PSMA6: variants seen among roughly 807,000 people sequenced by gnomAD.
PSMA6 encodes proteasome 20S subunit alpha 6, also known as proteasome subunit alpha type-6.
For synonymous variants in PSMA6, 88 were observed against 97.7 expected, an observed-to-expected ratio of 0.90 and a Z score of 0.59; for missense variants, 170 against 294.8, an observed-to-expected ratio of 0.58 and a Z score of 3.10.
intron 4 of PSMA6, chr14:35,312,620 A>G (rs1206240943): frequency 4.7e-6 from 2 of 423,816 alleles, no homozygotes; most frequent in Non-Finnish European, 8.2e-6. Flanking sequence ...GATTGGAAAC[A>G]CTATTTTTAA....
intron 1 of PSMA6, among the ~76,000 whole-genome samples, chr14:35,282,559 C>G (rs1247122260): frequency 6.6e-6 from 1 of 152,078 alleles, no homozygotes; most frequent in Non-Finnish European, 1.5e-5. Flanking sequence ...TGCACCTAAC[C>G]TAAACGTAAC....
Position 35,308,025 on chromosome 14 carries a change from C to A in PSMA6, c.108C>A (p.Gly36=). ...CTTTTAAGGCTATTAACCAGGGTGG[C>A]CTTACATCAGTAGCTGTCAGAGGGA... The part of the protein sequence containing the change: ...EYAFKAINQG[G]LTSVAVRGKD... Residue 36 remains glycine, a synonymous_variant, in exon 2 of 7, where the codon GGC becomes GGA. Transcript: ENST00000261479. 2 of 1,613,986 alleles carry A rather than the reference C, an allele frequency of 1.2e-6. No individual in the cohort carries two copies. Among genetic ancestry groups the A allele is most frequent in the Admixed American group, 1.7e-5 (1 of 60,018 alleles).
At chr14:35,314,589 C>G (rs923574318) in intron 6 of PSMA6, 134 bp downstream of exon 6, 3 of 1,184,416 alleles carry the variant, frequency 2.5e-6, no homozygotes, top group Non-Finnish European at 3.3e-6. Context: ...GTTTTTTTCC[C>G]CAGCACCTGA....
intron 6 of PSMA6, chr14:35,316,779 T>C (rs921411307): frequency 6.5e-6 from 1 of 154,920 alleles, no homozygotes; most frequent in African/African-American, 2.4e-5. Context: ...GGCAGAAGAA[T>C]CGTTTGAACC....
intron 2 of PSMA6, 110 bp downstream of exon 2, chr14:35,308,198 G>C: frequency 1.4e-6 from 2 of 1,383,686 alleles, no homozygotes; most frequent in Middle Eastern, 2.5e-4. Flanking sequence ...GAGGTGGGCA[G>C]ATCACCTTAG....
chr14:35,280,162 T>C (rs1286079945), intron 1 of PSMA6, among the ~76,000 whole-genome samples: 1 of 126,760 alleles, frequency 7.9e-6, no homozygotes, highest in Non-Finnish European at 1.7e-5. Flanking sequence ...TTTTTCGGCC[T>C]GGCGCAATGG....
chr14:35,285,357 A>AAC lies in PSMA6; in HGVS notation c.19+6640_19+6641insCA, dbSNP rs1555335400. On this transcript the variant is annotated intron_variant, in intron 1 of 6. Coordinates refer to the PSMA6 transcript ENST00000540871. ...TCTATCTCAAAAAAAACAAAAAACA[A>AAC]AAAAAAAAACCGTAGCACACTCTTG... Among the ~76,000 whole-genome samples the AAC allele has an allele frequency of 1.2e-4, 17 of 145,620 alleles. 1 individual carries two copies. Among genetic ancestry groups the AAC allele is most frequent in the Admixed American group, 4.9e-4 (7 of 14,318 alleles).
At chr14:35,308,811 T>C in intron 2 of PSMA6, 103 bp from the exon 3 acceptor site, 1 of 788,406 alleles carries the variant, frequency 1.3e-6, no homozygotes, top group Non-Finnish European at 2.1e-6. Flanking sequence ...ATAGTATTGT[T>C]TTCTCCAAGA....
At position 35,280,685 on chromosome 14, in the gene PSMA6, T is replaced by C. The variant is rs540714041; in HGVS notation, c.19+1967T>C. The stretch of plus-strand genomic sequence containing the variant: ...GCATGAGCCACCACACCCAGCCTGG[T>C]CTCATTGTTTCTTAACTCTGGTCTC... On this transcript the variant is annotated intron_variant, in intron 1 of 6. Transcript: ENST00000540871. Among the ~76,000 whole-genome samples the C allele has an allele frequency of 3.3e-5, 5 of 152,122 alleles. No homozygotes were observed. The South Asian group carries it at 1.0e-3, about 32-fold the overall frequency.
At chr14:35,317,216 A>C (rs1438250736) in intron 6 of PSMA6, 33 bp from the exon 7 acceptor site, 6 of 1,596,344 alleles carry the variant, frequency 3.8e-6, no homozygotes, top group African/African-American at 1.3e-5. Context: ...ATTTTTTTTA[A>C]ATCGTTGTTT....
intron 1 of PSMA6, among the ~76,000 whole-genome samples, chr14:35,280,178 G>C (rs1188557263): frequency 6.6e-6 from 1 of 151,166 alleles, no homozygotes; most frequent in Non-Finnish European, 1.5e-5. Flanking sequence ...AATGGCTCAC[G>C]CCTGTAATCC....
chr14:35,307,947 T>A, intron 1 of PSMA6, 47 bp from the exon 2 acceptor site: 4 of 1,550,262 alleles, frequency 2.6e-6, no homozygotes, highest in Non-Finnish European at 3.6e-6. Flanking sequence ...ATTGCAAGAA[T>A]CTACAGTAAT....
chr14:35,297,770 T>C (rs1404694038), intron 1 of PSMA6, among the ~76,000 whole-genome samples: 1 of 152,212 alleles, frequency 6.6e-6, no homozygotes, highest in Non-Finnish European at 1.5e-5. Context: ...CTGAGCTGTG[T>C]ACAGTGTGAG....
At chr14:35,306,060 T>C (rs1295217317) in intron 1 of PSMA6, among the ~76,000 whole-genome samples, 2 of 151,750 alleles carry the variant, frequency 1.3e-5, no homozygotes, top group Non-Finnish European at 2.9e-5. Flanking sequence ...ACTCCATCTC[T>C]ACAGGAAAAA....
intron 1 of PSMA6, among the ~76,000 whole-genome samples, chr14:35,305,826 A>T (rs773232864): frequency 1.3e-5 from 2 of 152,220 alleles, no homozygotes; most frequent in Non-Finnish European, 2.9e-5. Flanking sequence ...CCAGGCCAGG[A>T]ACAGTGGCTC....
chr14:35,294,631 T>C (rs748386323), intron 1 of PSMA6, among the ~76,000 whole-genome samples: 1 of 152,136 alleles, frequency 6.6e-6, no homozygotes, highest in South Asian at 2.1e-4. Context: ...GTATGTAGAG[T>C]GCTTAACGTG....
intron 1 of PSMA6, among the ~76,000 whole-genome samples, chr14:35,283,526 G>A (rs916164375): frequency 1.3e-5 from 2 of 150,994 alleles, no homozygotes; most frequent in Non-Finnish European, 2.9e-5. Flanking sequence ...TTTGCAATAG[G>A]TGTAATAGGA....
Position 35,317,271 on chromosome 14 carries a change from G to C in PSMA6, c.706G>C (p.Asp236His). ...TAGGATTCTTACAGAAGCAGAGATTGATGCTCACCTTGTTGCTCTAGCAGA... is the reference window on the plus strand; with the variant it reads ...TAGGATTCTTACAGAAGCAGAGATTCATGCTCACCTTGTTGCTCTAGCAGA... ...KFRILTEAEI[D>H]AHLVALAERD The change falls in exon 7 of 7, where the codon GAT becomes CAT. Residue 236 changes from aspartate (D) to histidine (H), a missense_variant. Physicochemically the swap from Asp to His is moderately conservative, Grantham distance 81. Coordinates refer to ENST00000261479, the MANE Select transcript of PSMA6 (RefSeq NM_002791.3). 1 of 1,612,830 alleles carries C rather than the reference G, an allele frequency of 6.2e-7. No individual in the cohort carries two copies. The highest frequency in any genetic ancestry group is 2.2e-5 in the East Asian group (1 of 44,846).
At chr14:35,298,304 A>C (rs569259086) in intron 1 of PSMA6, among the ~76,000 whole-genome samples, 36 of 152,100 alleles carry the variant, frequency 2.4e-4, no homozygotes, top group Non-Finnish European at 4.7e-4. Flanking sequence ...AGCCTGGCCC[A>C]CATGGTGAAA....
Sources: gnomAD v4.1 joint callset for allele counts (sites outside exome capture counted in the v4.1 genomes callset) on GRCh38, gnomAD v4.1.1 for gene constraint, MANE v1.5 for transcripts, NCBI Gene and HGNC (gene_info 2026-07-23, HGNC 2026-07-21) for gene names.